Variants in NEK10 observed in about 807,000 individuals in gnomAD.
NEK10 encodes NIMA related kinase 10, also known as serine/threonine-protein kinase Nek10.
A neutral mutation model predicts 159.8 loss-of-function variants in NEK10; 122 were observed. That is an observed-to-expected ratio of 0.76 (90% CI 0.66 to 0.89). The LOEUF (loss-of-function observed/expected upper bound fraction) is 0.89. NEK10 is among the 40% of genes least tolerant of loss of function. NEK10 has a pLI of 0.00. For missense variants in NEK10, 1,342 were observed against 1,323.1 expected, an observed-to-expected ratio of 1.01 and a Z score of -0.22; for synonymous variants, 466 against 457.1, an observed-to-expected ratio of 1.02 and a Z score of -0.25.
chr3:27,266,565 C>T (rs900681463), intron 22 of NEK10, among the ~76,000 whole-genome samples: 1 of 152,222 alleles, frequency 6.6e-6, no homozygotes, highest in South Asian at 2.1e-4. Context: ...CAAACAACTC[C>T]TCCTTGGTTT....
Position 27,192,010 on chromosome 3 carries a change from T to C in NEK10, c.2505+19A>G, listed in dbSNP as rs369076201. ...CCCATTAGAGTGCATCATGAACCGA[T>C]TGAAATATTTGCACTTACGTGAGAT... On this transcript the variant is annotated intron_variant, in intron 26 of 35. Coordinates refer to ENST00000691995, the MANE Select transcript of NEK10 (RefSeq NM_001394966.1). 3.8e-5 allele frequency: 61 copies of C among 1,610,136 alleles called. No individual in the cohort carries two copies. Among genetic ancestry groups the C allele is most frequent in the Middle Eastern group, 1.7e-4 (1 of 6,046 alleles).
intron 25 of NEK10, 43 bp from the exon 26 acceptor site, chr3:27,192,285 G>A: frequency 6.9e-6 from 10 of 1,456,406 alleles, no homozygotes; most frequent in Non-Finnish European, 9.6e-6. Context: ...GTCAATGTTG[G>A]GAGCAGGCCA....
intron 22 of NEK10, among the ~76,000 whole-genome samples, chr3:27,275,268 C>A (rs183229681): frequency 1.8e-4 from 27 of 152,318 alleles, no homozygotes; most frequent in African/African-American, 6.5e-4. Flanking sequence ...TGCAGAATGA[C>A]CCACCAAAGG....
intron 7 of NEK10, 147 bp from the exon 8 acceptor site, chr3:27,312,324 C>A (rs574075151): frequency 2.0e-6 from 1 of 493,262 alleles, no homozygotes; most frequent in East Asian, 3.3e-5. Flanking sequence ...GAACAGTTAT[C>A]GCTCAAGTGC....
chr3:27,350,646 A>G (rs1478171926), intron 3 of NEK10, among the ~76,000 whole-genome samples: 1 of 152,170 alleles, frequency 6.6e-6, no homozygotes, highest in African/African-American at 2.4e-5. Flanking sequence ...AAGATTTTAC[A>G]AAAATATATG....
chr3:27,338,919 C>G (rs1337098719), intron 5 of NEK10, among the ~76,000 whole-genome samples: 2 of 151,998 alleles, frequency 1.3e-5, no homozygotes, highest in Non-Finnish European at 1.5e-5. Flanking sequence ...AAAGCACAGA[C>G]ATTAAAACAA....
intron 30 of NEK10, among the ~76,000 whole-genome samples, chr3:27,151,447 G>A (rs1472536900): frequency 6.6e-6 from 1 of 152,114 alleles, no homozygotes; most frequent in African/African-American, 2.4e-5. Flanking sequence ...ACATCCATAG[G>A]AAAAGGGTAA....
At chr3:27,196,791 G>A (rs1949597763) in intron 25 of NEK10, among the ~76,000 whole-genome samples, 2 of 152,170 alleles carry the variant, frequency 1.3e-5, no homozygotes, top group African/African-American at 4.8e-5. Context: ...GAGCAAATAT[G>A]GTACTTTTGT....
At chr3:27,296,771 C>G (rs2043384826) in intron 14 of NEK10, among the ~76,000 whole-genome samples, 1 of 152,040 alleles carries the variant, frequency 6.6e-6, no homozygotes. Flanking sequence ...AGTTTCTTGG[C>G]AATAAATATT....
At chr3:27,215,035 G>T (rs1417167421) in intron 23 of NEK10, 13 of 592,196 alleles carry the variant, frequency 2.2e-5, no homozygotes, top group Non-Finnish European at 3.8e-5. Flanking sequence ...CCCCACCGGC[G>T]CCTCCAGCTT....
At chr3:27,156,377 G>C (rs1945419254) in intron 30 of NEK10, among the ~76,000 whole-genome samples, 1 of 151,954 alleles carries the variant, frequency 6.6e-6, no homozygotes, top group Non-Finnish European at 1.5e-5. Flanking sequence ...CCACAGAGTG[G>C]GAGAAAATCT....
At chr3:27,325,511 T>C (rs917223268) in intron 5 of NEK10, among the ~76,000 whole-genome samples, 1 of 152,126 alleles carries the variant, frequency 6.6e-6, no homozygotes, top group Non-Finnish European at 1.5e-5. Flanking sequence ...TCTATGATCC[T>C]GAGAAATTCA....
At chr3:27,111,598 C>T (rs948748024) in intron 35 of NEK10, among the ~76,000 whole-genome samples, 1 of 152,086 alleles carries the variant, frequency 6.6e-6, no homozygotes, top group African/African-American at 2.4e-5. Flanking sequence ...TACTTGAATA[C>T]CTGTGTAGGT....
At chr3:27,347,611 T>C (rs1165981169) in intron 3 of NEK10, among the ~76,000 whole-genome samples, 1 of 151,980 alleles carries the variant, frequency 6.6e-6, no homozygotes, top group African/African-American at 2.4e-5. Context: ...AATAAAGACA[T>C]TGTTTAATAG....
At chr3:27,356,874 G>A (rs1426877868) in intron 1 of NEK10, among the ~76,000 whole-genome samples, 1 of 152,130 alleles carries the variant, frequency 6.6e-6, no homozygotes. Context: ...CTATGGCAGG[G>A]ACTGTGTCTG....
intron 28 of NEK10, among the ~76,000 whole-genome samples, chr3:27,174,027 C>A (rs1006092614): frequency 4.0e-5 from 6 of 151,872 alleles, no homozygotes; most frequent in African/African-American, 1.5e-4. Context: ...GTAACACATC[C>A]CTTTAGATTT....
intron 25 of NEK10, among the ~76,000 whole-genome samples, chr3:27,198,524 C>A (rs564544199): frequency 7.0e-4 from 107 of 152,252 alleles, no homozygotes; most frequent in African/African-American, 2.4e-3. Context: ...CTGACAAAAA[C>A]AAGCAATGGG....
intron 5 of NEK10, among the ~76,000 whole-genome samples, chr3:27,333,654 C>A (rs1296608107): frequency 6.6e-6 from 1 of 152,122 alleles, no homozygotes; most frequent in Non-Finnish European, 1.5e-5. Flanking sequence ...GCCCTCAGGG[C>A]TTAGGCACAA....
At chr3:27,258,152 A>G (rs11129277) in intron 22 of NEK10, among the ~76,000 whole-genome samples, 39,029 of 152,010 alleles carry the variant, frequency 0.26, 5,164 homozygotes, top group Middle Eastern at 0.37. Context: ...GCTGATATAT[A>G]TTGTAAACAG....
Sources: gnomAD v4.1 joint callset for allele counts (sites outside exome capture counted in the v4.1 genomes callset) on GRCh38, gnomAD v4.1.1 for gene constraint, MANE v1.5 for transcripts, NCBI Gene and HGNC (gene_info 2026-07-23, HGNC 2026-07-21) for gene names.